The following TAFA2 variants were observed in gnomAD, a reference collection of about 807,000 sequenced individuals.
TAFA2 encodes the protein chemokine-like protein TAFA-2.
Under a neutral mutation model 18.8 loss-of-function variants are expected in TAFA2, and 7 were observed. That is an observed-to-expected ratio of 0.37 (90% CI 0.21 to 0.70). The LOEUF is 0.70. Among genes scored for constraint, TAFA2 ranks in the 30% least tolerant of loss-of-function variants. TAFA2 has a pLI of 0.53. For missense variants in TAFA2, 122 were observed against 158.1 expected (o/e 0.77, Z 1.23); for synonymous variants, 60 against 54.2 (o/e 1.11, Z -0.47).
At chr12:62,041,493 T>C (rs868597297) in intron 1 of TAFA2, among the ~76,000 whole-genome samples, 41 of 152,290 alleles carry the variant, frequency 2.7e-4, no homozygotes, top group African/African-American at 9.4e-4. Context: ...TAGGACATTG[T>C]GCATAAGGTG....
chr12:61,727,068 G>A (rs1870201899), intron 4 of TAFA2, among the ~76,000 whole-genome samples: 1 of 151,918 alleles, frequency 6.6e-6, no homozygotes, highest in African/African-American at 2.4e-5. Context: ...CTGAATCCCT[G>A]GTATGAAGCA....
chr12:62,223,219 G>A (rs1444546738), intron 1 of TAFA2, among the ~76,000 whole-genome samples: 1 of 152,152 alleles, frequency 6.6e-6, no homozygotes, highest in Non-Finnish European at 1.5e-5. Flanking sequence ...CACCCAGGCT[G>A]GAATGGTGCA....
At chr12:61,753,849 G>T in intron 3 of TAFA2, 103 bp from the exon 4 acceptor site, 2 of 921,058 alleles carry the variant, frequency 2.2e-6, no homozygotes, top group Admixed American at 2.6e-5. Context: ...TCCTACCAGT[G>T]GGAATACAGG....
intron 1 of TAFA2, among the ~76,000 whole-genome samples, chr12:61,944,217 C>T (rs1214438180): frequency 1.3e-5 from 2 of 148,412 alleles, no homozygotes; most frequent in Admixed American, 6.7e-5. Flanking sequence ...GGGTACATAA[C>T]GAAATGAAGG....
intron 2 of TAFA2, among the ~76,000 whole-genome samples, chr12:61,855,642 T>C (rs538890988): frequency 1.3e-5 from 2 of 152,238 alleles, no homozygotes; most frequent in South Asian, 4.1e-4. Flanking sequence ...AGTTTTGAAG[T>C]AAAAATAAAT....
At chr12:62,223,678 T>TG (rs1325841072) in intron 1 of TAFA2, among the ~76,000 whole-genome samples, 1 of 151,988 alleles carries the variant, frequency 6.6e-6, no homozygotes, top group Non-Finnish European at 1.5e-5. Context: ...AAATTTGTAG[T>TG]GGAAAAAAAG....
intron 4 of TAFA2, among the ~76,000 whole-genome samples, chr12:61,728,054 G>A (rs948322740): frequency 2.3e-5 from 3 of 132,344 alleles, no homozygotes; most frequent in Admixed American, 7.9e-5. Context: ...TTTTTCAGTC[G>A]ATGTGCAGTT....
rs867224012 is a variant in TAFA2, at chr12:62,035,557, A to T, written c.-2+155702T>A. Reference sequence around the variant, plus strand: ...AAAAGCCATAAAATAAAAAAAATTAAAAAAAAAAACCACACAGGCTATTCA... The same window carrying T: ...AAAAGCCATAAAATAAAAAAAATTATAAAAAAAAACCACACAGGCTATTCA... On this transcript the variant is annotated intron_variant, in intron 1 of 4. Coordinates refer to ENST00000416284, the MANE Select transcript of TAFA2 (RefSeq NM_178539.5). Among the ~76,000 whole-genome samples, 4 of 111,940 alleles carry T rather than the reference A, an allele frequency of 3.6e-5. No individual in the cohort carries two copies. The South Asian group carries it at 8.9e-4, about 25-fold the overall frequency. The allele number at this position is 111,940 out of a possible 152,430, so 73.4% of individuals were successfully genotyped here.
chr12:61,884,097 G>A (rs1361569369), intron 1 of TAFA2, among the ~76,000 whole-genome samples: 3 of 152,148 alleles, frequency 2.0e-5, no homozygotes, highest in East Asian at 3.9e-4. Flanking sequence ...AAAAGAGCAG[G>A]CTGGGGAAAG....
At chr12:61,784,348 A>G (rs1200741745) in intron 2 of TAFA2, among the ~76,000 whole-genome samples, 1 of 151,456 alleles carries the variant, frequency 6.6e-6, no homozygotes, top group Non-Finnish European at 1.5e-5. Context: ...AGTACTGCCA[A>G]ACACATCAAG....
intron 2 of TAFA2, among the ~76,000 whole-genome samples, chr12:61,763,406 A>C (rs1375010963): frequency 6.6e-6 from 1 of 152,050 alleles, no homozygotes; most frequent in Non-Finnish European, 1.5e-5. Context: ...AGAAAGCGAC[A>C]AAACAAAGGG....
At position 61,998,021 on chromosome 12, in the gene TAFA2, T is replaced by A. The variant is rs1243862675; in HGVS notation, c.-1-130595A>T. On this transcript the variant is annotated intron_variant, in intron 1 of 4. Coordinates refer to ENST00000416284, the MANE Select transcript of TAFA2 (RefSeq NM_178539.5). ...CTCAGTTCCAATCTGCAGGAAATCA[T>A]GGGTCAGATGTAAATTACACAGTCA... is the stretch of plus-strand genomic sequence containing the variant. 3.3e-5 allele frequency among the ~76,000 whole-genome samples: 5 copies of A among 152,206 alleles called. No individual in the cohort carries two copies. The East Asian group carries it at 5.8e-4, about 18-fold the overall frequency.
chr12:61,785,498 A>C (rs1453516023), intron 2 of TAFA2, among the ~76,000 whole-genome samples: 1 of 151,456 alleles, frequency 6.6e-6, no homozygotes, highest in Non-Finnish European at 1.5e-5. Context: ...ATCACATTGT[A>C]CTAGAGGGTA....
intron 1 of TAFA2, among the ~76,000 whole-genome samples, chr12:62,143,508 A>G (rs1388280261): frequency 1.3e-5 from 2 of 152,152 alleles, no homozygotes; most frequent in African/African-American, 2.4e-5. Flanking sequence ...TGTTTCATCT[A>G]TAAAACCTGT....
At chr12:61,982,874 G>A (rs1406991916) in intron 1 of TAFA2, among the ~76,000 whole-genome samples, 2 of 25,362 alleles carry the variant, frequency 7.9e-5, no homozygotes, top group Non-Finnish European at 2.7e-4. Flanking sequence ...GCAAGTGGAA[G>A]GCAAAAAAAA....
At chr12:62,211,431 T>A (rs938233123) in intron 1 of TAFA2, among the ~76,000 whole-genome samples, 4 of 151,836 alleles carry the variant, frequency 2.6e-5, no homozygotes, top group Non-Finnish European at 2.9e-5. Context: ...ATACAAAAAA[T>A]TAGCTGGGCG....
intron 1 of TAFA2, among the ~76,000 whole-genome samples, chr12:62,025,055 G>T (rs185495062): frequency 6.6e-6 from 1 of 152,178 alleles, no homozygotes; most frequent in Non-Finnish European, 1.5e-5. Context: ...ATTTCTCAAA[G>T]AACTTAAAAC....
chr12:62,052,394 G>A (rs1212622017), intron 1 of TAFA2, among the ~76,000 whole-genome samples: 1 of 152,058 alleles, frequency 6.6e-6, no homozygotes, highest in African/African-American at 2.4e-5. Flanking sequence ...GTCTCACTAT[G>A]TTCCCCAGGC....
chr12:62,169,024 C>T (rs1253760519), intron 1 of TAFA2, among the ~76,000 whole-genome samples: 1 of 151,860 alleles, frequency 6.6e-6, no homozygotes, highest in African/African-American at 2.4e-5. Flanking sequence ...GAAATTTCAA[C>T]ACTGATTAGC....
Sources: gnomAD v4.1 joint callset for allele counts (sites outside exome capture counted in the v4.1 genomes callset) on GRCh38, gnomAD v4.1.1 for gene constraint, MANE v1.5 for transcripts, NCBI Gene and HGNC (gene_info 2026-07-23, HGNC 2026-07-21) for gene names.